Variants in ZFR2 observed in about 807,000 individuals in gnomAD.
The protein encoded by ZFR2 is zinc finger RNA-binding protein 2.
In ZFR2, 104 loss-of-function variants were observed where a neutral mutation model predicts 105.7. The observed-to-expected ratio is 0.98, with a 90% CI of 0.84 to 1.16. The LOEUF (loss-of-function observed/expected upper bound fraction) is 1.16. Ranked by LOEUF, ZFR2 falls within the 50% of genes most tolerant of loss-of-function variation. The pLI, the probability that ZFR2 is intolerant of heterozygous loss-of-function variation, is 0.00. For synonymous variants in ZFR2, 634 were observed against 597.7 expected (o/e 1.06, Z -0.89); for missense variants, 1,425 against 1,355.5 (o/e 1.05, Z -0.80).
In ZFR2 at chr19:3,855,421, G is replaced by C. The variant is rs144183013; in HGVS notation, c.53+13544C>G. On this transcript the variant is annotated intron_variant, in intron 1 of 18. Coordinates refer to ENST00000262961, the MANE Select transcript of ZFR2 (RefSeq NM_015174.2). ...AAATACCTGACAGAAAGTGAAAGCA[G>C]TCCCGGGCGATCCGGCGGCAGATTC... is the stretch of plus-strand genomic sequence containing the variant. 10,514 of 1,231,674 alleles carry C rather than the reference G, an allele frequency of 8.5e-3. 53 individuals are homozygous for C. The highest frequency in any genetic ancestry group is 9.5e-3 in the Non-Finnish European group (9,343 of 987,936). The allele number at this position is 1,231,674 out of a possible 1,614,324, so 76.3% of individuals were successfully genotyped here.
intron 5 of ZFR2, among the ~76,000 whole-genome samples, chr19:3,831,059 T>G (rs1011708484): frequency 1.4e-5 from 2 of 146,806 alleles, no homozygotes; most frequent in East Asian, 4.0e-4. Flanking sequence ...ACATGCACAC[T>G]CACGTTTGCA....
rs148104397 is a variant in ZFR2, at chr19:3,836,916, T to A, written c.54-1933A>T. Among the ~76,000 whole-genome samples, 816 of 152,264 alleles carry A rather than the reference T, an allele frequency of 5.4e-3. 7 individuals carry two copies. Among genetic ancestry groups the A allele is most frequent in the Non-Finnish European group, 9.8e-3 (664 of 68,020 alleles). On this transcript the variant is annotated intron_variant, in intron 1 of 18. Transcript: ENST00000262961. The stretch of plus-strand genomic sequence containing the variant: ...TAAAGATTTTAGCCCAATACCGCTA[T>A]GGATATATATTAAAAAGTGAACCTC...
intron 17 of ZFR2, among the ~76,000 whole-genome samples, chr19:3,807,540 T>C (rs749227192): frequency 2.1e-5 from 3 of 140,026 alleles, no homozygotes; most frequent in Non-Finnish European, 4.6e-5. Context: ...CACCCATGCA[T>C]ATACACATAC....
chr19:3,847,879 G>A (rs769163224), intron 1 of ZFR2, among the ~76,000 whole-genome samples: 7 of 152,168 alleles, frequency 4.6e-5, no homozygotes, highest in Non-Finnish European at 7.3e-5. Flanking sequence ...TCCTGGAGCC[G>A]GGACCACCCT....
rs1394948658 is a variant in ZFR2, at chr19:3,816,781, G to A, written c.1996C>T (p.Leu666Phe). 1.9e-6 allele frequency: 3 copies of A among 1,605,554 alleles called. No homozygotes were observed. Among genetic ancestry groups the A allele is most frequent in the African/African-American group, 1.3e-5 (1 of 74,828 alleles). Residue 666 changes from leucine to phenylalanine, a missense_variant, in exon 13 of 19, where the codon CTC becomes TTC. Transcript: ENST00000262961. ...VMRVGILAKG[L>F]LLRGDRNVRL... is the part of the protein sequence containing the mutation. ...ACGTTCCTGTCCCCACGCAGGAGGAGGCCTTTCGCCAGGATGCCTACTCGC... is the reference window on the plus strand; with the variant it reads ...ACGTTCCTGTCCCCACGCAGGAGGAAGCCTTTCGCCAGGATGCCTACTCGC...
chr19:3,861,247 A>G (rs1243447493), intron 1 of ZFR2, among the ~76,000 whole-genome samples: 1 of 152,218 alleles, frequency 6.6e-6, no homozygotes, highest in Non-Finnish European at 1.5e-5. Flanking sequence ...CCAAAGCAAA[A>G]GGAACATATC....
At chr19:3,851,158 G>T (rs1049018905) in intron 1 of ZFR2, among the ~76,000 whole-genome samples, 21 of 152,236 alleles carry the variant, frequency 1.4e-4, no homozygotes, top group Admixed American at 3.3e-4. Flanking sequence ...TTAGAGAGGG[G>T]AGCAGTTAGA....
chr19:3,809,162 C>A (rs1181192972), intron 16 of ZFR2, among the ~76,000 whole-genome samples, 179 bp from the exon 17 acceptor site: 2 of 152,196 alleles, frequency 1.3e-5, no homozygotes, highest in East Asian at 1.9e-4. Flanking sequence ...CCTCCTGGCA[C>A]GGCCACAGGC....
At position 3,807,584 on chromosome 19, in the gene ZFR2, CGTGT is replaced by C. The variant is rs777428108; in HGVS notation, c.2546-319_2546-316del. On this transcript the variant is annotated intron_variant, in intron 17 of 18. Transcript: ENST00000262961. ...GTGTGTCCATGCGTGCCCATGTGCA[CGTGT>C]GTGTCCGTGTGTGCACGTGTGTGCT... is the stretch of plus-strand genomic sequence containing the variant. 4.7e-5 allele frequency among the ~76,000 whole-genome samples: 7 copies of C among 148,592 alleles called. No homozygotes were observed. The East Asian group carries it at 8.0e-4, about 17-fold the overall frequency.
At chr19:3,850,330 C>G (rs2038225139) in intron 1 of ZFR2, among the ~76,000 whole-genome samples, 1 of 152,042 alleles carries the variant, frequency 6.6e-6, no homozygotes, top group East Asian at 1.9e-4. Context: ...CAGAGGTTAT[C>G]AGGGTGAGGG....
intron 7 of ZFR2, 141 bp downstream of exon 7, chr19:3,825,089 G>C: frequency 9.9e-7 from 1 of 1,013,484 alleles, no homozygotes; most frequent in African/African-American, 1.7e-5. Context: ...AGGAATAAGG[G>C]AGAGACGGCA....
At chr19:3,842,793 T>G (rs1020421757) in intron 1 of ZFR2, among the ~76,000 whole-genome samples, 2 of 151,936 alleles carry the variant, frequency 1.3e-5, no homozygotes, top group Non-Finnish European at 2.9e-5. Context: ...CCAACTAATT[T>G]TTTGTATTTT....
intron 1 of ZFR2, among the ~76,000 whole-genome samples, chr19:3,857,550 C>A (rs1375676560): frequency 6.8e-6 from 1 of 147,976 alleles, no homozygotes; most frequent in South Asian, 2.1e-4. Flanking sequence ...AAAAAAAAGC[C>A]GGGCATGGTG....
chr19:3,865,533 T>C (rs571168182), intron 1 of ZFR2, among the ~76,000 whole-genome samples: 1 of 151,938 alleles, frequency 6.6e-6, no homozygotes, highest in South Asian at 2.1e-4. Flanking sequence ...AATTTTTTTA[T>C]AGAGATGGGG....
chr19:3,848,018 G>A lies in ZFR2; in HGVS notation c.54-13035C>T, dbSNP rs368942070. On this transcript the variant is annotated intron_variant, in intron 1 of 18. Transcript: ENST00000262961. Reference sequence around the variant, plus strand: ...GTACAATCTACAGAGCTCAACAAGAGGGTATGATCGGCCCAAGATATAGTG... The same window carrying A: ...GTACAATCTACAGAGCTCAACAAGAAGGTATGATCGGCCCAAGATATAGTG... 1.4e-4 allele frequency among the ~76,000 whole-genome samples: 21 copies of A among 152,334 alleles called. No homozygotes were observed. In the East Asian group the frequency reaches 3.5e-3, roughly 25 times the overall value.
In ZFR2 at chr19:3,823,104, C is replaced by A. The variant is rs1011886557; in HGVS notation, c.1371+142G>T. On this transcript the variant is annotated intron_variant, in intron 8 of 18. Coordinates refer to ENST00000262961, the MANE Select transcript of ZFR2 (RefSeq NM_015174.2). The surrounding 1 kb of genome is among the most constrained non-coding windows in gnomAD (Gnocchi z 5.4). Reference sequence around the variant, plus strand: ...AGCGGGTCTGCACGGGGTTTTGGTCCATGGAGGTCTGGCCTGTGCAGCTCA... The same window carrying A: ...AGCGGGTCTGCACGGGGTTTTGGTCAATGGAGGTCTGGCCTGTGCAGCTCA... The A allele has an allele frequency of 7.5e-6, 9 of 1,205,586 alleles. No homozygotes were observed. In the African/African-American group the frequency reaches 9.1e-5, roughly 12 times the overall value. The allele number at this position is 1,205,586 out of a possible 1,614,324, so 74.7% of individuals were successfully genotyped here.
chr19:3,814,097 C>T, intron 13 of ZFR2, 139 bp from the exon 14 acceptor site: 2 of 1,310,302 alleles, frequency 1.5e-6, no homozygotes, highest in African/African-American at 1.5e-5. Context: ...GGCCCTGTGC[C>T]CTGTGTCTGG....
intron 1 of ZFR2, among the ~76,000 whole-genome samples, chr19:3,852,874 A>G (rs1014828397): frequency 1.3e-5 from 2 of 152,158 alleles, no homozygotes; most frequent in African/African-American, 4.8e-5. Context: ...GGTTGTCACC[A>G]CTTGGGGGAG....
At chr19:3,810,268 G>A (rs1321323000) in intron 16 of ZFR2, among the ~76,000 whole-genome samples, 1 of 152,212 alleles carries the variant, frequency 6.6e-6, no homozygotes, top group East Asian at 1.9e-4. Context: ...GTGGGCATGG[G>A]GCGTGCTCTG....
Sources: gnomAD v4.1 joint callset for allele counts (sites outside exome capture counted in the v4.1 genomes callset) on GRCh38, gnomAD v4.1.1 for gene constraint, Gnocchi (gnomAD v3.1) non-coding constraint, MANE v1.5 for transcripts, NCBI Gene and HGNC (gene_info 2026-07-23, HGNC 2026-07-21) for gene names.